Variants in SPTBN1 observed in about 807,000 individuals in gnomAD.
SPTBN1 encodes spectrin beta, non-erythrocytic 1.
A neutral mutation model predicts 266.4 loss-of-function variants in SPTBN1; 32 were observed. The ratio of observed to expected loss-of-function variants is 0.12; its 90% confidence interval spans 0.09 to 0.16. The LOEUF (loss-of-function observed/expected upper bound fraction) is 0.16, where lower values mean the gene tolerates loss of function less well. Ranked by LOEUF, SPTBN1 falls within the 10% of genes least tolerant of loss-of-function variation. The pLI, the probability that SPTBN1 is intolerant of heterozygous loss-of-function variation, is 1.00. For missense variants in SPTBN1, 2,296 were observed against 3,067.1 expected (o/e 0.75, Z 5.94); for synonymous variants, 1,336 against 1,162.2 (o/e 1.15, Z -3.04).
chr2:54,491,757 ACTTTT>A (rs909890993), intron 1 of SPTBN1, among the ~76,000 whole-genome samples: 3 of 151,978 alleles, frequency 2.0e-5, no homozygotes, highest in Admixed American at 6.6e-5. Flanking sequence ...TACCTAGCTA[ACTTTT>A]CTTTTCTTTT....
rs565115045 is a variant in SPTBN1 at position 54,533,252 on chromosome 2, A to G, written c.148+6686A>G. ...ATGGCATGCAATTTAAAACGTATGA[A>G]TTGCCTATTTCTTCAGTTTTTCATT... On this transcript the variant is annotated intron_variant, in intron 2 of 35. Coordinates refer to ENST00000356805, the MANE Select transcript of SPTBN1 (RefSeq NM_003128.3). This position sits in a 1 kb window ranked among gnomAD's most constrained non-coding sequence, Gnocchi z 4.2. Among the ~76,000 whole-genome samples, 2 of 152,098 alleles carry G rather than the reference A, an allele frequency of 1.3e-5. No individual in the cohort carries two copies. The highest frequency in any genetic ancestry group is 2.1e-4 in the South Asian group (1 of 4,816).
chr2:54,649,463 G>T lies in SPTBN1; in HGVS notation c.5203-152G>T. On this transcript the variant is annotated intron_variant, in intron 25 of 35. Coordinates refer to ENST00000356805, the MANE Select transcript of SPTBN1 (RefSeq NM_003128.3). The surrounding 1 kb of genome is among the most constrained non-coding windows in gnomAD (Gnocchi z 6.7). ...AAGAAAGGAAACCCAGTTGCTAAGA[G>T]GTTCTCGAGCTAAGATCTATTGTTC... The T allele has an allele frequency of 7.9e-7, 1 of 1,269,438 alleles. No individual in the cohort carries two copies. The highest frequency in any genetic ancestry group is 2.6e-5 in the East Asian group (1 of 39,138). The allele number at this position is 1,269,438 out of a possible 1,614,324, so 78.6% of individuals were successfully genotyped here. A position where few individuals can be genotyped will look rare whatever the true frequency, so the allele number is the denominator to read the frequency against.
At chr2:54,636,794 G>C (rs553028430) in intron 17 of SPTBN1, among the ~76,000 whole-genome samples, 2 of 152,332 alleles carry the variant, frequency 1.3e-5, no homozygotes, top group African/African-American at 4.8e-5. Flanking sequence ...CCTGAATATA[G>C]ACTGGCTTTC....
intron 1 of SPTBN1, among the ~76,000 whole-genome samples, chr2:54,490,857 CAG>C (rs751050333): frequency 6.6e-6 from 1 of 152,138 alleles, no homozygotes; most frequent in Non-Finnish European, 1.5e-5. Context: ...AGAGAGAAAA[CAG>C]TGTGTTTTGA....
chr2:54,553,712 A>G (rs1440893418), intron 2 of SPTBN1, among the ~76,000 whole-genome samples: 3 of 152,190 alleles, frequency 2.0e-5, no homozygotes, highest in Non-Finnish European at 4.4e-5. Flanking sequence ...GGTTTTTCAA[A>G]TCCCAAGGTT....
At chr2:54,594,030 AC>A (rs1289408314) in intron 2 of SPTBN1, among the ~76,000 whole-genome samples, 1 of 151,734 alleles carries the variant, frequency 6.6e-6, no homozygotes, top group Admixed American at 6.6e-5. Flanking sequence ...ACGGGGTTTC[AC>A]CATGTTGGTC....
At chr2:54,608,714 GCA>G (rs760235577) in intron 3 of SPTBN1, among the ~76,000 whole-genome samples, 2 of 151,376 alleles carry the variant, frequency 1.3e-5, no homozygotes, top group African/African-American at 2.4e-5. Context: ...GTGCGCGCAT[GCA>G]CACACACAGT....
chr2:54,493,894 C>G lies in SPTBN1; in HGVS notation c.-47-32478C>G, dbSNP rs568473280. 9.8e-5 allele frequency among the ~76,000 whole-genome samples: 15 copies of G among 152,326 alleles called. No homozygotes were observed. In the South Asian group the frequency reaches 3.1e-3, roughly 32 times the overall value. On this transcript the variant is annotated intron_variant, in intron 1 of 35. Coordinates refer to ENST00000356805, the MANE Select transcript of SPTBN1 (RefSeq NM_003128.3). The stretch of plus-strand genomic sequence containing the variant: ...GTGATGATAGGGTGTCTATCAAAGA[C>G]AACAGAAGTTAATATAACTTCCCCA...
chr2:54,578,111 T>C (rs1674613713), intron 2 of SPTBN1, among the ~76,000 whole-genome samples: 1 of 152,202 alleles, frequency 6.6e-6, no homozygotes, highest in African/African-American at 2.4e-5. Flanking sequence ...TTTCCCAGTA[T>C]ATGAAATTAT....
At chr2:54,463,842 A>T (rs1269967324) in intron 1 of SPTBN1, among the ~76,000 whole-genome samples, 1 of 152,214 alleles carries the variant, frequency 6.6e-6, no homozygotes, top group Non-Finnish European at 1.5e-5. Flanking sequence ...AAATAATAGG[A>T]AAGGAAAATC....
intron 18 of SPTBN1, 96 bp downstream of exon 18, chr2:54,637,899 G>T: frequency 9.4e-7 from 1 of 1,059,750 alleles, no homozygotes; most frequent in South Asian, 1.5e-5. Flanking sequence ...TAAAATTAAT[G>T]AAACCAGAAA....
intron 2 of SPTBN1, among the ~76,000 whole-genome samples, chr2:54,578,457 C>G (rs1399449706): frequency 2.0e-5 from 3 of 152,002 alleles, no homozygotes. Context: ...TTCCGGTTAG[C>G]TGCTGCTGCT....
chr2:54,521,997 G>A (rs1042582482), intron 1 of SPTBN1, among the ~76,000 whole-genome samples: 1 of 151,054 alleles, frequency 6.6e-6, no homozygotes, highest in South Asian at 2.1e-4. Flanking sequence ...TCCCTGGCTC[G>A]AGTGGTCCTC....
intron 1 of SPTBN1, among the ~76,000 whole-genome samples, chr2:54,498,269 G>C (rs1027104074): frequency 6.6e-6 from 1 of 152,194 alleles, no homozygotes; most frequent in Non-Finnish European, 1.5e-5. Context: ...CGGTAGACTT[G>C]CTGCCGGCCA....
intron 1 of SPTBN1, among the ~76,000 whole-genome samples, chr2:54,503,749 T>A (rs1259348640): frequency 6.6e-6 from 1 of 152,206 alleles, no homozygotes; most frequent in African/African-American, 2.4e-5. Flanking sequence ...AACTGCTGAA[T>A]ACATAACTAT....
At chr2:54,539,263 C>G (rs1399458971) in intron 2 of SPTBN1, among the ~76,000 whole-genome samples, 1 of 152,186 alleles carries the variant, frequency 6.6e-6, no homozygotes, top group Non-Finnish European at 1.5e-5. Context: ...AGAACTCATT[C>G]ATGGTCAGAG....
At chr2:54,594,833 C>CTTTTTTTTTT (rs71408777) in intron 2 of SPTBN1, among the ~76,000 whole-genome samples, 1,881 of 104,558 alleles carry the variant, frequency 0.018, 173 homozygotes, top group African/African-American at 0.04. Context: ...TGGTAAGTTT[C>CTTTTTTTTTT]TTTTTTTTTT....
In SPTBN1 at chr2:54,653,285, A is replaced by G. The variant is rs943434604; in HGVS notation, c.5578-324A>G. On this transcript the variant is annotated intron_variant, in intron 26 of 35. Coordinates refer to ENST00000356805, the MANE Select transcript of SPTBN1 (RefSeq NM_003128.3). The surrounding 1 kb of genome is among the most constrained non-coding windows in gnomAD (Gnocchi z 5.1). The stretch of plus-strand genomic sequence containing the variant: ...AGCAGATTAGGTATTTATTTTTTGG[A>G]CTGTATCTGAATATGTCCCACTCAG... The G allele has an allele frequency of 1.3e-5, 3 of 224,120 alleles. No individual in the cohort carries two copies. The highest frequency in any genetic ancestry group is 2.6e-5 in the Non-Finnish European group (3 of 116,050). The allele number at this position is 224,120 out of a possible 1,614,324, so 13.9% of individuals were successfully genotyped here. A position where few individuals can be genotyped will look rare whatever the true frequency, so the allele number is the denominator to read the frequency against.
In SPTBN1 at chr2:54,558,396, T is replaced by A; in HGVS notation, c.148+31830T>A. The A allele has an allele frequency of 9.9e-7, 1 of 1,011,428 alleles. No individual in the cohort carries two copies. Among genetic ancestry groups the A allele is most frequent in the Non-Finnish European group, 1.2e-6 (1 of 846,868 alleles). 62.7% of individuals were successfully genotyped at this position (1,011,428 alleles called of 1,614,324 possible). ...GCCGCCGCGGGCAGCTGGGAGGAGGTGTGCGCGCTGCGCCCGCGAGCTCCC... is the reference window on the plus strand; with the variant it reads ...GCCGCCGCGGGCAGCTGGGAGGAGGAGTGCGCGCTGCGCCCGCGAGCTCCC... On this transcript the variant is annotated intron_variant, in intron 2 of 35. Transcript: ENST00000356805. This position sits in a 1 kb window ranked among gnomAD's most constrained non-coding sequence, Gnocchi z 4.6.
Sources: gnomAD v4.1 joint callset for allele counts (sites outside exome capture counted in the v4.1 genomes callset) on GRCh38, gnomAD v4.1.1 for gene constraint, Gnocchi (gnomAD v3.1) non-coding constraint, MANE v1.5 for transcripts, NCBI Gene and HGNC (gene_info 2026-07-23, HGNC 2026-07-21) for gene names.